The following CNTNAP2 variants were observed in gnomAD, a reference collection of about 807,000 sequenced individuals.
CNTNAP2 encodes contactin associated protein 2, also known as contactin-associated protein-like 2.
CNTNAP2 carries 98 observed loss-of-function variants against 155.2 expected under a neutral mutation model. The observed-to-expected ratio is 0.63, with a 90% CI of 0.54 to 0.75. The LOEUF is 0.75. Among genes scored for constraint, CNTNAP2 ranks in the 30% least tolerant of loss-of-function variants. CNTNAP2 has a pLI of 0.00. For synonymous variants in CNTNAP2, 651 were observed against 631.2 expected, an observed-to-expected ratio of 1.03 and a Z score of -0.47; for missense variants, 1,727 against 1,688.1, an observed-to-expected ratio of 1.02 and a Z score of -0.40.
chr7:147,022,556 A>G (rs1325066978), intron 3 of CNTNAP2, among the ~76,000 whole-genome samples: 1 of 151,862 alleles, frequency 6.6e-6, no homozygotes, highest in East Asian at 1.9e-4. Flanking sequence ...TATGTACTAT[A>G]CATATACGCA....
chr7:147,651,575 G>A (rs1795451631), intron 13 of CNTNAP2, among the ~76,000 whole-genome samples: 1 of 152,120 alleles, frequency 6.6e-6, no homozygotes, highest in Non-Finnish European at 1.5e-5. Context: ...AGCATAGTCA[G>A]GTGAGATCCA....
intron 15 of CNTNAP2, among the ~76,000 whole-genome samples, chr7:148,054,661 T>G (rs746908339): frequency 1.4e-4 from 22 of 152,062 alleles, no homozygotes; most frequent in Non-Finnish European, 2.5e-4. Flanking sequence ...AACTCCAGGA[T>G]GTGTTCACAT....
At chr7:146,616,004 G>C (rs536526894) in intron 1 of CNTNAP2, among the ~76,000 whole-genome samples, 1 of 152,286 alleles carries the variant, frequency 6.6e-6, no homozygotes, top group South Asian at 2.1e-4. Context: ...TCCAGTGCTG[G>C]AAGTTAGAAT....
intron 1 of CNTNAP2, among the ~76,000 whole-genome samples, chr7:146,522,125 C>T (rs1418794157): frequency 6.6e-6 from 1 of 152,018 alleles, no homozygotes; most frequent in African/African-American, 2.4e-5. Flanking sequence ...GATCGTCATT[C>T]TTCCTTAAAA....
intron 3 of CNTNAP2, among the ~76,000 whole-genome samples, chr7:146,868,844 A>G (rs1444087385): frequency 2.0e-5 from 3 of 151,560 alleles, no homozygotes; most frequent in African/African-American, 7.3e-5. Flanking sequence ...AGAAATGCTA[A>G]TAATTTTTGT....
intron 2 of CNTNAP2, among the ~76,000 whole-genome samples, chr7:146,829,834 G>A (rs1372247338): frequency 6.6e-6 from 1 of 151,910 alleles, no homozygotes; most frequent in Non-Finnish European, 1.5e-5. Flanking sequence ...TATTCTTCTT[G>A]AACACCCTTA....
chr7:146,898,258 G>T (rs777044151), intron 3 of CNTNAP2, among the ~76,000 whole-genome samples: 3 of 151,994 alleles, frequency 2.0e-5, no homozygotes, highest in Non-Finnish European at 4.4e-5. Context: ...GAGATCACCT[G>T]CTGTGACAGA....
At chr7:146,805,344 G>A (rs192682549) in intron 2 of CNTNAP2, among the ~76,000 whole-genome samples, 11 of 152,246 alleles carry the variant, frequency 7.2e-5, no homozygotes. Context: ...GCATAGGGTA[G>A]GCCTCTATAA....
rs908221322 is a variant in CNTNAP2, at chr7:146,851,944, C to T, written c.402+12040C>T. ...CAAGCAGTCCTCCCACCTCGGCCTC[C>T]CAAAGTGTTAGGATTGTAGGCATGA... On this transcript the variant is annotated intron_variant, in intron 3 of 23. Transcript: ENST00000361727. Among the ~76,000 whole-genome samples the T allele has an allele frequency of 7.9e-5, 12 of 152,102 alleles. No individual in the cohort carries two copies. The South Asian group carries it at 1.0e-3, about 13-fold the overall frequency.
chr7:147,855,487 T>G (rs1290833411), intron 13 of CNTNAP2, among the ~76,000 whole-genome samples: 1 of 152,102 alleles, frequency 6.6e-6, no homozygotes, highest in Non-Finnish European at 1.5e-5. Context: ...TAACATTAAC[T>G]ATTAAAATTA....
intron 8 of CNTNAP2, among the ~76,000 whole-genome samples, chr7:147,255,470 C>T (rs1337416838): frequency 6.6e-6 from 1 of 152,120 alleles, no homozygotes; most frequent in Non-Finnish European, 1.5e-5. Context: ...GATCTGCCCG[C>T]CTTGGCCTCC....
chr7:146,778,365 TGTCAGG>T (rs1299313671), intron 2 of CNTNAP2, among the ~76,000 whole-genome samples: 3 of 152,242 alleles, frequency 2.0e-5, no homozygotes, highest in African/African-American at 7.2e-5. Context: ...ATAATCTTGA[TGTCAGG>T]GACCAGTACA....
At chr7:148,044,143 G>T (rs1334856178) in intron 15 of CNTNAP2, among the ~76,000 whole-genome samples, 2 of 150,816 alleles carry the variant, frequency 1.3e-5, no homozygotes, top group African/African-American at 4.9e-5. Flanking sequence ...GACCCGTGTG[G>T]ATCCGAGTTC....
intron 8 of CNTNAP2, among the ~76,000 whole-genome samples, chr7:147,244,435 A>G (rs1350901745): frequency 6.6e-6 from 1 of 152,244 alleles, no homozygotes; most frequent in African/African-American, 2.4e-5. Flanking sequence ...ATAGATATAT[A>G]ATTCTCAGAT....
At chr7:147,765,301 C>T (rs1584944295) in intron 13 of CNTNAP2, among the ~76,000 whole-genome samples, 1 of 152,270 alleles carries the variant, frequency 6.6e-6, no homozygotes, top group East Asian at 1.9e-4. Context: ...TATATTCTCT[C>T]TGTACCCCTA....
At chr7:146,725,712 C>T (rs1415573134) in intron 1 of CNTNAP2, among the ~76,000 whole-genome samples, 2 of 152,018 alleles carry the variant, frequency 1.3e-5, no homozygotes, top group Admixed American at 1.3e-4. Flanking sequence ...GATGGCTCCA[C>T]CTGGACCCAC....
At chr7:148,314,603 GT>G in intron 21 of CNTNAP2, among the ~76,000 whole-genome samples, 1 of 152,186 alleles carries the variant, frequency 6.6e-6, no homozygotes, top group South Asian at 2.1e-4. Context: ...GGGTCGGGGG[GT>G]TCTTGCCCCC....
intron 8 of CNTNAP2, among the ~76,000 whole-genome samples, chr7:147,222,529 T>C (rs1241935831): frequency 6.6e-6 from 1 of 152,212 alleles, no homozygotes; most frequent in African/African-American, 2.4e-5. Context: ...ATCATAATTG[T>C]TTTAAATTCC....
chr7:148,311,579 C>T (rs1009203861), intron 21 of CNTNAP2, among the ~76,000 whole-genome samples: 8 of 151,952 alleles, frequency 5.3e-5, no homozygotes, highest in African/African-American at 1.5e-4. Flanking sequence ...CAGTCCTGGG[C>T]GGGGGCAAAT....
Sources: allele counts gnomAD v4.1 joint callset (sites outside exome capture counted in the v4.1 genomes callset), GRCh38; gene constraint gnomAD v4.1.1; transcripts MANE v1.5; gene names NCBI Gene and HGNC (gene_info 2026-07-23, HGNC 2026-07-21).